Variants in NALCN observed in about 807,000 individuals in gnomAD.
NALCN encodes the protein sodium leak channel NALCN.
In NALCN, 111 loss-of-function variants were observed where a neutral mutation model predicts 225.3. The observed-to-expected ratio is 0.49, with a 90% CI of 0.42 to 0.58. NALCN has a LOEUF of 0.58. Ranked by LOEUF, NALCN falls within the 20% of genes least tolerant of loss-of-function variation. The pLI is 0.00. For synonymous variants in NALCN, 764 were observed against 769.0 expected, an observed-to-expected ratio of 0.99 and a Z score of 0.11; for missense variants, 1,378 against 2,202.4, an observed-to-expected ratio of 0.63 and a Z score of 7.49.
chr13:101,376,682 GTTAATAGA>G lies in NALCN; in HGVS notation c.644+10_644+17del. Reference sequence around the variant, plus strand: ...TGTTAATCAACTAGATTAAAATGCAGTTAATAGATAAACTTACCCTGGCTTTGTGTCAT... The same window carrying G: ...TGTTAATCAACTAGATTAAAATGCAGTAAACTTACCCTGGCTTTGTGTCAT... On this transcript the variant is annotated intron_variant, in intron 6 of 43. Coordinates refer to ENST00000251127, the MANE Select transcript of NALCN (RefSeq NM_052867.4). The G allele has an allele frequency of 6.3e-7, 1 of 1,584,224 alleles. No homozygotes were observed. Among genetic ancestry groups the G allele is most frequent in the Non-Finnish European group, 8.5e-7 (1 of 1,171,668 alleles).
chr13:101,072,515 T>C (rs1438149680), intron 37 of NALCN, among the ~76,000 whole-genome samples: 1 of 152,260 alleles, frequency 6.6e-6, no homozygotes, highest in Non-Finnish European at 1.5e-5. Context: ...AAACTAGCTC[T>C]CTCTTCTATA....
chr13:101,330,425 C>T (rs1156706738), intron 7 of NALCN, among the ~76,000 whole-genome samples: 1 of 152,094 alleles, frequency 6.6e-6, no homozygotes, highest in Admixed American at 6.6e-5. Flanking sequence ...TGAGGTGTCT[C>T]TACAAAGCTG....
intron 6 of NALCN, among the ~76,000 whole-genome samples, chr13:101,358,987 T>C (rs1014023438): frequency 1.3e-5 from 2 of 151,464 alleles, no homozygotes; most frequent in Admixed American, 6.6e-5. Context: ...TAAGTGGGAG[T>C]TGAACAATGA....
Position 101,283,997 on chromosome 13 carries a change from C to T in NALCN, c.1070G>A (p.Gly357Glu). 6.2e-7 allele frequency: 1 copy of T among 1,613,390 alleles called. No individual in the cohort carries two copies. The highest frequency in any genetic ancestry group is 1.1e-5 in the South Asian group (1 of 90,854). Residue 357 changes from glycine to glutamate, a missense_variant, in exon 10 of 44, where the codon GGA (glycine) becomes GAA (glutamate). By Grantham distance (98) the Gly-to-Glu change is moderately conservative. Around this residue, in one of 19 missense-constraint regions of NALCN, gnomAD observed 144 missense variants for 187.7 expected, o/e 0.77. Transcript: ENST00000251127. ...TTQMFHEDAA[G>E]GWQLVAVDVN... ...ATCCACAGCTACCAGCTGCCAACCT[C>T]CAGCAGCATCTTCATGAAACATCTT...
chr13:101,208,794 T>C (rs1272387494), intron 13 of NALCN, among the ~76,000 whole-genome samples: 2 of 152,314 alleles, frequency 1.3e-5, no homozygotes, highest in Admixed American at 6.5e-5. Context: ...GTTCTCGCCA[T>C]GTGAAACCGC....
chr13:101,256,572 C>T (rs969921880), intron 11 of NALCN, among the ~76,000 whole-genome samples: 6 of 152,082 alleles, frequency 3.9e-5, no homozygotes, highest in African/African-American at 1.4e-4. Context: ...TTTTGCCTAA[C>T]CCCAGGCACC....
rs574510299 is a variant in NALCN at position 101,383,406 on chromosome 13, G to GAA, written c.292-4755_292-4754dup. ...GAACGTATTCTCTGGAGTTACATTA[G>GAA]AAAAAAAAAAAGAAGTCTATCTCTC... On this transcript the variant is annotated intron_variant, in intron 3 of 43. Transcript: ENST00000251127. Among the ~76,000 whole-genome samples, 677 of 144,326 alleles carry GAA rather than the reference G, an allele frequency of 4.7e-3. 5 individuals are homozygous for GAA. Among genetic ancestry groups the GAA allele is most frequent in the African/African-American group, 0.016 (643 of 39,732 alleles). 94.7% of individuals were successfully genotyped at this position (144,326 alleles called of 152,430 possible).
At chr13:101,312,257 C>T (rs1469812217) in intron 7 of NALCN, among the ~76,000 whole-genome samples, 1 of 151,964 alleles carries the variant, frequency 6.6e-6, no homozygotes, top group Non-Finnish European at 1.5e-5. Context: ...CTCTTTTCTT[C>T]TTTATTAGTC....
At chr13:101,079,629 A>AT (rs917284716) in intron 34 of NALCN, among the ~76,000 whole-genome samples, 4 of 152,210 alleles carry the variant, frequency 2.6e-5, no homozygotes, top group Non-Finnish European at 5.9e-5. Context: ...TTTGTGAGCA[A>AT]TTGATGACTA....
chr13:101,375,295 T>C (rs1217536870), intron 6 of NALCN, among the ~76,000 whole-genome samples: 5 of 152,238 alleles, frequency 3.3e-5, no homozygotes, highest in African/African-American at 1.2e-4. Context: ...CTCTTCCTGA[T>C]GCCTCTAGAA....
intron 37 of NALCN, among the ~76,000 whole-genome samples, chr13:101,071,807 A>G (rs2032909122): frequency 1.3e-5 from 2 of 152,218 alleles, no homozygotes; most frequent in South Asian, 4.1e-4. Context: ...GGGCTAACTC[A>G]GCTTTTGACA....
intron 11 of NALCN, among the ~76,000 whole-genome samples, chr13:101,257,692 C>G (rs146611244): frequency 6.6e-6 from 1 of 151,752 alleles, no homozygotes; most frequent in Non-Finnish European, 1.5e-5. Flanking sequence ...TGGGTTTCTA[C>G]GTTGTCAATC....
chr13:101,142,760 TCATTAC>T, intron 17 of NALCN: 2 of 336,832 alleles, frequency 5.9e-6, no homozygotes, highest in South Asian at 5.4e-5. Flanking sequence ...AGATGGCAGG[TCATTAC>T]ACCTGGACTG....
intron 6 of NALCN, among the ~76,000 whole-genome samples, chr13:101,370,764 G>A (rs961023710): frequency 2.0e-5 from 3 of 152,090 alleles, no homozygotes; most frequent in African/African-American, 7.2e-5. Context: ...AGTTTCAGTG[G>A]GTGTAACTGA....
chr13:101,297,785 C>T (rs1464259722), intron 7 of NALCN, among the ~76,000 whole-genome samples: 1 of 152,212 alleles, frequency 6.6e-6, no homozygotes, highest in African/African-American at 2.4e-5. Flanking sequence ...GATTATCCGG[C>T]TTCATTTACT....
intron 1 of NALCN, among the ~76,000 whole-genome samples, chr13:101,410,616 T>C (rs1460978695): frequency 1.3e-5 from 2 of 152,214 alleles, no homozygotes; most frequent in African/African-American, 4.8e-5. Flanking sequence ...TTTTCTAGTC[T>C]AGACTACACC....
intron 13 of NALCN, among the ~76,000 whole-genome samples, chr13:101,202,047 A>G (rs1406071270): frequency 6.6e-6 from 1 of 152,026 alleles, no homozygotes; most frequent in Non-Finnish European, 1.5e-5. Context: ...CCTTGTTTCG[A>G]TTTTTCCCAA....
At chr13:101,060,067 G>T (rs2031725557) in intron 41 of NALCN, 100 bp from the exon 42 acceptor site, 1 of 1,354,986 alleles carries the variant, frequency 7.4e-7, no homozygotes, top group East Asian at 2.4e-5. Flanking sequence ...CCTAAGACCT[G>T]CATGACGGGT....
chr13:101,275,498 C>G (rs995171587), intron 10 of NALCN, among the ~76,000 whole-genome samples: 2 of 152,186 alleles, frequency 1.3e-5, no homozygotes, highest in Non-Finnish European at 2.9e-5. Context: ...ATTCTCATCC[C>G]CATTTTCCAT....
Sources: gnomAD v4.1 joint callset for allele counts (sites outside exome capture counted in the v4.1 genomes callset) on GRCh38, gnomAD v4.1.1 for gene constraint, gnomAD v4.1.1 regional missense constraint, MANE v1.5 for transcripts, NCBI Gene and HGNC (gene_info 2026-07-23, HGNC 2026-07-21) for gene names.